The following ADAMTSL1 variants were observed in gnomAD, a reference collection of about 807,000 sequenced individuals.
ADAMTSL1 encodes ADAMTS like 1.
A neutral mutation model predicts 201.8 loss-of-function variants in ADAMTSL1; 126 were observed. That is an observed-to-expected ratio of 0.62 (90% confidence interval 0.54 to 0.72). The LOEUF (loss-of-function observed/expected upper bound fraction) is 0.72, where lower values mean the gene tolerates loss of function less well. Ranked by LOEUF, ADAMTSL1 falls within the 30% of genes least tolerant of loss-of-function variation. The probability of loss-of-function intolerance (pLI) is 0.00; values close to 1 mark genes in which losing one functional copy is unlikely to be tolerated. For synonymous variants in ADAMTSL1, 1,121 were observed against 903.4 expected (o/e 1.24, Z -4.32); for missense variants, 2,679 against 2,277.8 (o/e 1.18, Z -3.59).
chr9:18,532,035 A>G (rs924740371), intron 2 of ADAMTSL1, among the ~76,000 whole-genome samples: 25 of 152,214 alleles, frequency 1.6e-4, no homozygotes, highest in African/African-American at 6.0e-4. Context: ...TAACAAACTT[A>G]TAAATGTACC....
intron 2 of ADAMTSL1, among the ~76,000 whole-genome samples, chr9:18,229,010 T>G (rs987274171): frequency 7.2e-5 from 11 of 152,106 alleles, no homozygotes; most frequent in Non-Finnish European, 8.8e-5. Flanking sequence ...TTTCATTTTA[T>G]AGACCTCCAT....
intron 2 of ADAMTSL1, among the ~76,000 whole-genome samples, chr9:18,210,110 C>G (rs1391113739): frequency 1.3e-5 from 2 of 152,024 alleles, no homozygotes. Flanking sequence ...TCACCAGCCT[C>G]TTTCTCTTAA....
At chr9:18,120,785 A>C (rs75230368) in intron 1 of ADAMTSL1, among the ~76,000 whole-genome samples, 2,855 of 152,266 alleles carry the variant, frequency 0.019, 82 homozygotes, top group African/African-American at 0.065. Context: ...TGTAAGATAG[A>C]CTATATTTCA....
At chr9:18,615,181 T>C (rs1471681996) in intron 4 of ADAMTSL1, among the ~76,000 whole-genome samples, 4 of 152,168 alleles carry the variant, frequency 2.6e-5, no homozygotes, top group Admixed American at 1.3e-4. Context: ...GGAGATTCTA[T>C]TTTCTCATAT....
chr9:18,099,801 C>T (rs1190374136), intron 1 of ADAMTSL1, among the ~76,000 whole-genome samples: 2 of 151,512 alleles, frequency 1.3e-5, no homozygotes, highest in Non-Finnish European at 2.9e-5. Flanking sequence ...TAATTTTTTG[C>T]ATTTTTAGTA....
intron 7 of ADAMTSL1, 135 bp downstream of exon 7, chr9:18,639,546 T>C (rs982843160): frequency 1.1e-5 from 11 of 993,772 alleles, no homozygotes; most frequent in Non-Finnish European, 1.5e-5. Context: ...ATGTTTAATC[T>C]GAGGGTGTTG....
At chr9:18,175,251 G>A (rs557082358) in intron 2 of ADAMTSL1, among the ~76,000 whole-genome samples, 20 of 152,186 alleles carry the variant, frequency 1.3e-4, no homozygotes, top group Non-Finnish European at 2.9e-4. Flanking sequence ...CTAAGATATT[G>A]TGTTTCAAAT....
chr9:18,582,184 C>T (rs1433644386), intron 4 of ADAMTSL1, among the ~76,000 whole-genome samples: 1 of 152,140 alleles, frequency 6.6e-6, no homozygotes, highest in East Asian at 1.9e-4. Flanking sequence ...TAACCTTGGC[C>T]CTGTTACCAG....
intron 13 of ADAMTSL1, among the ~76,000 whole-genome samples, chr9:18,685,669 T>C (rs937455640): frequency 2.0e-5 from 3 of 152,234 alleles, no homozygotes; most frequent in Non-Finnish European, 4.4e-5. Flanking sequence ...TATAAAATGA[T>C]TTCCAAATTT....
Position 18,098,078 on chromosome 9 carries a change from A to G in ADAMTSL1, c.88-65784A>G, listed in dbSNP as rs1824333778. Among the ~76,000 whole-genome samples the G allele has an allele frequency of 1.3e-5, 2 of 152,064 alleles. 1 individual carries two copies. The highest frequency in any genetic ancestry group is 4.1e-4 in the South Asian group (2 of 4,824). ...GCAGTTTTTACAGAAACATTTATTG[A>G]AAACGTGATCCAATCTCCCATTGAA... On this transcript the variant is annotated intron_variant, in intron 1 of 29. Transcript: ENST00000680146.
At chr9:18,187,536 G>A (rs1432852704) in intron 2 of ADAMTSL1, among the ~76,000 whole-genome samples, 3 of 151,798 alleles carry the variant, frequency 2.0e-5, no homozygotes, top group Non-Finnish European at 2.9e-5. Flanking sequence ...TAAAAAGAAA[G>A]AAAAAAATTT....
chr9:18,276,221 G>T (rs565458661), intron 2 of ADAMTSL1, among the ~76,000 whole-genome samples: 1 of 151,630 alleles, frequency 6.6e-6, no homozygotes, highest in African/African-American at 2.4e-5. Flanking sequence ...TAAGTTGAAC[G>T]GCTTCATTAA....
intron 1 of ADAMTSL1, among the ~76,000 whole-genome samples, chr9:17,988,781 G>T (rs887396743): frequency 1.2e-4 from 18 of 151,916 alleles, no homozygotes; most frequent in African/African-American, 4.3e-4. Flanking sequence ...CATAGTGAAC[G>T]TGTTAGAATA....
chr9:18,243,532 C>T (rs1485652444), intron 2 of ADAMTSL1, among the ~76,000 whole-genome samples: 1 of 151,934 alleles, frequency 6.6e-6, no homozygotes, highest in African/African-American at 2.4e-5. Flanking sequence ...CCTCCCTCAG[C>T]CTCTCTGGTA....
At chr9:18,710,634 A>G (rs547281659) in intron 14 of ADAMTSL1, among the ~76,000 whole-genome samples, 1 of 121,866 alleles carries the variant, frequency 8.2e-6, no homozygotes, top group Admixed American at 8.6e-5. Context: ...TACTTTCCCC[A>G]TTCCTTGCAG....
intron 4 of ADAMTSL1, among the ~76,000 whole-genome samples, chr9:18,589,801 G>A (rs985358332): frequency 1.3e-5 from 2 of 152,044 alleles, no homozygotes; most frequent in Non-Finnish European, 2.9e-5. Flanking sequence ...TTTATGAAAT[G>A]TCTTTTCAGC....
chr9:18,405,217 C>T (rs1207037293), intron 2 of ADAMTSL1, among the ~76,000 whole-genome samples: 1 of 152,126 alleles, frequency 6.6e-6, no homozygotes, highest in African/African-American at 2.4e-5. Flanking sequence ...CAAAGAATTA[C>T]TTGACTTTCT....
At chr9:18,503,687 T>A (rs1270440047) in intron 1 of ADAMTSL1, among the ~76,000 whole-genome samples, 1 of 151,990 alleles carries the variant, frequency 6.6e-6, no homozygotes, top group Non-Finnish European at 1.5e-5. Flanking sequence ...AGATCCACAG[T>A]TCCTGCTCCT....
In ADAMTSL1 at chr9:18,777,529, G is replaced by C. The variant is rs1334673195; in HGVS notation, c.3300G>C (p.Leu1100=). 4.4e-6 allele frequency: 7 copies of C among 1,602,458 alleles called. No individual in the cohort carries two copies. Among genetic ancestry groups the C allele is most frequent in the Non-Finnish European group, 6.0e-6 (7 of 1,175,028 alleles). The part of the protein sequence containing the change: ...EELRDLYSKH[L]VAQLAQEIFR... Reference sequence around the variant, plus strand: ...TGCGCGACCTCTACAGCAAGCACCTGGTGGCCCAGCTGGCCCAGGAGATCT... The same window carrying C: ...TGCGCGACCTCTACAGCAAGCACCTCGTGGCCCAGCTGGCCCAGGAGATCT... Residue 1100 remains leucine, a synonymous_variant, in exon 19 of 29, where the codon CTG becomes CTC. Transcript: ENST00000380548.
Sources: gnomAD v4.1 joint callset for allele counts (sites outside exome capture counted in the v4.1 genomes callset) on GRCh38, gnomAD v4.1.1 for gene constraint, MANE v1.5 for transcripts, NCBI Gene and HGNC (gene_info 2026-07-23, HGNC 2026-07-21) for gene names.